TBL1X: variants seen among roughly 807,000 people sequenced by gnomAD.
The protein encoded by TBL1X is F-box-like/WD repeat-containing protein TBL1X.
In TBL1X, 10 loss-of-function variants were observed where a neutral mutation model predicts 50.7. The observed-to-expected ratio is 0.20, with a 90% CI of 0.12 to 0.33. The LOEUF is 0.33. Among genes scored for constraint, TBL1X ranks in the 10% least tolerant of loss-of-function variants. The pLI, the probability that TBL1X is intolerant of heterozygous loss-of-function variation, is 1.00. For missense variants in TBL1X, 340 were observed against 504.4 expected, an observed-to-expected ratio of 0.67 and a Z score of 3.12; for synonymous variants, 190 against 214.7, an observed-to-expected ratio of 0.88 and a Z score of 1.01.
chrX:9,695,158 T>C lies in TBL1X; in HGVS notation c.1053+1739T>C, dbSNP rs759350709. On this transcript the variant is annotated intron_variant, in intron 11 of 17. Transcript: ENST00000645353. ...ATTGGGACACAGCCACACCCCTTTG[T>C]TGAGACTTCTCCATGGTTGCTTTCA... Among the ~76,000 whole-genome samples the C allele has an allele frequency of 3.6e-5, 4 of 111,682 alleles. No homozygotes were observed. The South Asian group carries it at 1.5e-3, about 42-fold the overall frequency.
chrX:9,651,010 CCTTTTTTT>C (rs1393954510), intron 3 of TBL1X, among the ~76,000 whole-genome samples: 36 of 75,449 alleles, frequency 4.8e-4, no homozygotes, highest in African/African-American at 1.5e-3. Flanking sequence ...TAGCTGCCAG[CCTTTTTTT>C]TTTTTTTTTT....
chrX:9,552,623 C>CA (rs1336985494), intron 2 of TBL1X, among the ~76,000 whole-genome samples: 1 of 112,025 alleles, frequency 8.9e-6, no homozygotes, highest in Non-Finnish European at 1.9e-5. Flanking sequence ...TACTACTGGT[C>CA]AAAGTCGTTG....
intron 2 of TBL1X, among the ~76,000 whole-genome samples, chrX:9,610,064 C>T (rs5934659): frequency 0.067 from 7,580 of 112,323 alleles, 242 homozygotes; most frequent in Middle Eastern, 0.13. Context: ...ATCTTCATGT[C>T]AGAGCTGCAT....
At chrX:9,488,008 G>A in intron 1 of TBL1X, among the ~76,000 whole-genome samples, 1 of 111,845 alleles carries the variant, frequency 8.9e-6, no homozygotes, top group East Asian at 2.8e-4. Flanking sequence ...CCTTTTGTCT[G>A]TGTTTGACCA....
chrX:9,688,095 C>T lies in TBL1X; in HGVS notation c.436C>T (p.Arg146Trp), dbSNP rs754036571. 2.1e-5 allele frequency: 26 copies of T among 1,209,853 alleles called. No individual in the cohort carries two copies. The highest frequency in any genetic ancestry group is 2.8e-5 in the Non-Finnish European group (25 of 894,969). ...DAVMPDVVQTRQQAFREKLAQ... is the reference protein window; with the variant it reads ...DAVMPDVVQTWQQAFREKLAQ... Reference sequence around the variant, plus strand: ...CGTGATGCCCGACGTGGTGCAGACGCGGCAGCAGGCATTCCGAGAGAAGCT... The same window carrying T: ...CGTGATGCCCGACGTGGTGCAGACGTGGCAGCAGGCATTCCGAGAGAAGCT... The change falls in exon 7 of 18, where the codon CGG becomes TGG. Residue 146 changes from arginine to tryptophan, a missense_variant. Transcript: ENST00000645353.
intron 2 of TBL1X, among the ~76,000 whole-genome samples, chrX:9,541,094 CATATAA>C (rs772164355): frequency 8.1e-5 from 9 of 111,611 alleles, no homozygotes; most frequent in Non-Finnish European, 1.5e-4. Context: ...ATAACCAAAC[CATATAA>C]AAACACAAAA....
chrX:9,475,419 T>C (rs911020999), intron 1 of TBL1X, among the ~76,000 whole-genome samples: 2 of 110,176 alleles, frequency 1.8e-5, no homozygotes, highest in Admixed American at 1.9e-4. Flanking sequence ...CTAATTGTTT[T>C]ATTTTTAGTA....
chrX:9,474,800 C>T (rs1313088008), intron 1 of TBL1X, among the ~76,000 whole-genome samples: 1 of 112,922 alleles, frequency 8.9e-6, no homozygotes, highest in Non-Finnish European at 1.9e-5. Flanking sequence ...ATTTCAAAGA[C>T]ATCAACGTGA....
chrX:9,570,895 T>C (rs1192302611), intron 2 of TBL1X, among the ~76,000 whole-genome samples: 1 of 110,868 alleles, frequency 9.0e-6, no homozygotes, highest in Non-Finnish European at 1.9e-5. Flanking sequence ...GCCAGGATGG[T>C]CTAGATCTCC....
At chrX:9,559,443 A>G (rs909559752) in intron 2 of TBL1X, among the ~76,000 whole-genome samples, 1 of 110,999 alleles carries the variant, frequency 9.0e-6, no homozygotes, top group Non-Finnish European at 1.9e-5. Context: ...TCTTATTCTA[A>G]TCTAGCTGCT....
chrX:9,479,966 T>TGTGTGTGTGTGTGTGTGTGTGTGTGTG (rs1379486417), intron 1 of TBL1X, among the ~76,000 whole-genome samples: 4 of 32,011 alleles, frequency 1.2e-4, no homozygotes, highest in African/African-American at 5.1e-4. Flanking sequence ...GTGTGTGTGT[T>TGTGTGTGTGTGTGTGTGTGTGTGTGTG]TGAGATGGAG....
chrX:9,695,319 A>C (rs1230468924), intron 11 of TBL1X, among the ~76,000 whole-genome samples: 1 of 112,347 alleles, frequency 8.9e-6, no homozygotes, highest in Non-Finnish European at 1.9e-5. Context: ...CAAATCATTC[A>C]TTCATAATTG....
intron 5 of TBL1X, among the ~76,000 whole-genome samples, chrX:9,664,422 CTG>C (rs761905869): frequency 4.7e-4 from 52 of 111,091 alleles, no homozygotes; most frequent in African/African-American, 1.7e-3. Flanking sequence ...GCCCTATTAA[CTG>C]AGAAATGGAT....
chrX:9,684,778 A>G (rs1156778601), intron 6 of TBL1X, among the ~76,000 whole-genome samples: 1 of 111,643 alleles, frequency 9.0e-6, no homozygotes, highest in Non-Finnish European at 1.9e-5. Flanking sequence ...TTACACCGCC[A>G]CATCTGAAAA....
rs376000769 is a variant in TBL1X at position 9,609,792 on chromosome X, T to C, written c.-130-30481T>C. On this transcript the variant is annotated intron_variant, in intron 2 of 17. Transcript: ENST00000645353. ...AGCTGAGCCAGGAATGCGTGACATC[T>C]TTATTTTTCCCCTTGCATTTCTTTA... 1.1e-3 allele frequency among the ~76,000 whole-genome samples: 120 copies of C among 112,031 alleles called. No individual in the cohort carries two copies. The South Asian group carries it at 0.043, about 40-fold the overall frequency.
Position 9,698,612 on chromosome X carries a change from A to G in TBL1X, c.1114+1183A>G, listed in dbSNP as rs893147034. On this transcript the variant is annotated intron_variant, in intron 12 of 17. Coordinates refer to ENST00000645353, the MANE Select transcript of TBL1X (RefSeq NM_005647.4). ...GCCGTGTAAGCACCCAGTGCCTAGT[A>G]CAAGCCAAAACTGCAGACCCCCAGA... 1.5e-4 allele frequency among the ~76,000 whole-genome samples: 17 copies of G among 111,740 alleles called. 2 individuals are homozygous for G. The highest frequency in any genetic ancestry group is 1.4e-3 in the Admixed American group (15 of 10,508).
chrX:9,606,061 G>A (rs911567731), intron 2 of TBL1X, among the ~76,000 whole-genome samples: 4 of 112,335 alleles, frequency 3.6e-5, no homozygotes, highest in Non-Finnish European at 7.5e-5. Context: ...AGGGTCTCTC[G>A]TGAGGTTGCA....
At chrX:9,535,810 A>G (rs192530618) in intron 2 of TBL1X, among the ~76,000 whole-genome samples, 277 of 112,029 alleles carry the variant, frequency 2.5e-3, no homozygotes, top group African/African-American at 8.7e-3. Flanking sequence ...TTTAAAATGG[A>G]ATTAGTGTGC....
chrX:9,701,950 G>A (rs1301785374), intron 12 of TBL1X, among the ~76,000 whole-genome samples: 1 of 111,795 alleles, frequency 8.9e-6, no homozygotes, highest in Non-Finnish European at 1.9e-5. Context: ...GCTGACACCC[G>A]CGTCCTCCCA....
Sources: gnomAD v4.1 joint callset for allele counts (sites outside exome capture counted in the v4.1 genomes callset) on GRCh38, gnomAD v4.1.1 for gene constraint, MANE v1.5 for transcripts, NCBI Gene and HGNC (gene_info 2026-07-23, HGNC 2026-07-21) for gene names.